Variants in ELMO3 observed in about 807,000 individuals in gnomAD.
The protein encoded by ELMO3 is engulfment and cell motility protein 3.
In ELMO3, 81 loss-of-function variants were observed where a neutral mutation model predicts 89.0. The observed-to-expected ratio is 0.91, with a 90% CI of 0.76 to 1.09. ELMO3 has a LOEUF of 1.09. ELMO3 is among the 50% of genes least tolerant of loss of function. The pLI is 0.00. For missense variants in ELMO3, 959 were observed against 972.8 expected (o/e 0.99, Z 0.19); for synonymous variants, 406 against 400.6 (o/e 1.01, Z -0.16).
Position 67,202,097 on chromosome 16 carries a change from TG to T in ELMO3, c.1152+26del, listed in dbSNP as rs547779361. ...CAGCCGGGTCGGTGACAGGGTAGGGTGGGGGGGTGGCAGCATCCCCCAGGCA... is the reference window on the plus strand; with the variant it reads ...CAGCCGGGTCGGTGACAGGGTAGGGTGGGGGGTGGCAGCATCCCCCAGGCA... On this transcript the variant is annotated intron_variant, in intron 12 of 19. Coordinates refer to ENST00000393997, the MANE Select transcript of ELMO3 (RefSeq NM_024712.5). The T allele has an allele frequency of 9.7e-5, 59 of 610,298 alleles. No individual in the cohort carries two copies. The highest frequency in any genetic ancestry group is 1.5e-4 in the Non-Finnish European group (49 of 331,934). The allele number at this position is 610,298 out of a possible 1,614,324, so 37.8% of individuals were successfully genotyped here.
chr16:67,203,105 C>T lies in ELMO3; in HGVS notation c.1676-14C>T. The T allele has an allele frequency of 1.2e-6, 2 of 1,601,768 alleles. No individual in the cohort carries two copies. The highest frequency in any genetic ancestry group is 4.5e-5 in the East Asian group (2 of 44,430). On this transcript the variant is annotated splice_polypyrimidine_tract_variant and intron_variant, in intron 16 of 19. Transcript: ENST00000393997. This position sits in a 1 kb window ranked among gnomAD's most constrained non-coding sequence, Gnocchi z 4.6. Reference sequence around the variant, plus strand: ...CCTCTCAGCACTCTGGCCCTCTTCCCTTTCTCCACGCAGATAAGCTGTGGT... The same window carrying T: ...CCTCTCAGCACTCTGGCCCTCTTCCTTTTCTCCACGCAGATAAGCTGTGGT...
At position 67,200,978 on chromosome 16, in the gene ELMO3, G is replaced by T; in HGVS notation, c.744+10G>T. ...CCCTGTGGAACGCAAGGTGAGTGTC[G>T]ATCGGTGGCTAGATGGGGGCAGCAC... is the stretch of plus-strand genomic sequence containing the variant. On this transcript the variant is annotated intron_variant, in intron 8 of 19. Coordinates refer to ENST00000393997, the MANE Select transcript of ELMO3 (RefSeq NM_024712.5). 1.3e-6 allele frequency: 2 copies of T among 1,589,750 alleles called. No individual in the cohort carries two copies. The highest frequency in any genetic ancestry group is 3.8e-4 in the Middle Eastern group (2 of 5,272).
At position 67,199,670 on chromosome 16, in the gene ELMO3, C is replaced by T. The variant is rs967275937; in HGVS notation, c.120-14C>T. On this transcript the variant is annotated splice_polypyrimidine_tract_variant and intron_variant, in intron 2 of 19. Transcript: ENST00000393997. ...GCGCCCCCTGCCGGCCTCGCTGAGCCTCGTGCCCCTCAGGTGGAGCCTGAC... is the reference window on the plus strand; with the variant it reads ...GCGCCCCCTGCCGGCCTCGCTGAGCTTCGTGCCCCTCAGGTGGAGCCTGAC... 3.1e-6 allele frequency: 5 copies of T among 1,609,578 alleles called. No homozygotes were observed. The African/African-American group carries it at 4.0e-5, about 13-fold the overall frequency.
intron 12 of ELMO3, 39 bp downstream of exon 12, chr16:67,202,117 C>T: frequency 6.2e-7 from 1 of 1,609,966 alleles, no homozygotes; most frequent in Non-Finnish European, 8.5e-7. Flanking sequence ...GCAGCATCCC[C>T]CAGGCAGGGT....
Position 67,203,100 on chromosome 16 carries a change from C to CT in ELMO3, c.1676-17dup. 1 of 1,599,166 alleles carries CT rather than the reference C, an allele frequency of 6.3e-7. No individual in the cohort carries two copies. The highest frequency in any genetic ancestry group is 8.5e-7 in the Non-Finnish European group (1 of 1,173,586). On this transcript the variant is annotated intron_variant, in intron 16 of 19. Transcript: ENST00000393997. This position sits in a 1 kb window ranked among gnomAD's most constrained non-coding sequence, Gnocchi z 4.6. ...CAGGACCTCTCAGCACTCTGGCCCT[C>CT]TTCCCTTTCTCCACGCAGATAAGCT... is the stretch of plus-strand genomic sequence containing the variant.
Position 67,202,958 on chromosome 16 carries a change from C to A in ELMO3, c.1629C>A (p.Leu543=). The A allele has an allele frequency of 6.2e-7, 1 of 1,609,134 alleles. No individual in the cohort carries two copies. Among genetic ancestry groups the A allele is most frequent in the Non-Finnish European group, 8.5e-7 (1 of 1,179,894 alleles). The change falls in exon 16 of 20, where the codon CTC becomes CTA. Residue 543 remains leucine, a synonymous_variant. Coordinates refer to ENST00000393997, the MANE Select transcript of ELMO3 (RefSeq NM_024712.5). The part of the protein sequence containing the change: ...GLIRQQRLLR[L]CEGTLFRKIS... ...TCCGCCAGCAGCGCTTGCTCCGCCT[C>A]TGTGAGGGGACGCTCTTCCGCAAGA...
In ELMO3 at chr16:67,202,694, T is replaced by C; in HGVS notation, c.1466T>C (p.Phe489Ser). 6.2e-7 allele frequency: 1 copy of C among 1,613,546 alleles called. No individual in the cohort carries two copies. The highest frequency in any genetic ancestry group is 8.5e-7 in the Non-Finnish European group (1 of 1,179,950). Residue 489 changes from phenylalanine to serine, a missense_variant, in exon 15 of 20, where the codon TTC (phenylalanine) becomes TCC (serine). Physicochemically the swap from Phe to Ser is radical, Grantham distance 155. Coordinates refer to ENST00000393997, the MANE Select transcript of ELMO3 (RefSeq NM_024712.5). The stretch of plus-strand genomic sequence containing the variant: ...CTGAAGCCCACTTCCCTGGAGCTCT[T>C]CCGAACCAAGGTGAATGCGCTCACT... The part of the protein sequence containing the change: ...LALKPTSLEL[F>S]RTKVNALTYG...
Position 67,200,977 on chromosome 16 carries a change from C to A in ELMO3, c.744+9C>A. 6.3e-7 allele frequency: 1 copy of A among 1,589,768 alleles called. No homozygotes were observed. The highest frequency in any genetic ancestry group is 1.9e-5 in the Admixed American group (1 of 51,440). ...GCCCTGTGGAACGCAAGGTGAGTGT[C>A]GATCGGTGGCTAGATGGGGGCAGCA... On this transcript the variant is annotated intron_variant, in intron 8 of 19. Coordinates refer to ENST00000393997, the MANE Select transcript of ELMO3 (RefSeq NM_024712.5).
rs756102010 is a variant in ELMO3, at chr16:67,200,795, G to A, written c.652G>A (p.Val218Met). Reference protein sequence around the residue: ...KSEVPLDRLLVHLQVMNQQLQ... With the variant: ...KSEVPLDRLLMHLQVMNQQLQ... ...CGAGGTGCCCCTGGATAGGCTGCTGGTGCACCTACAGGTGTAAGCCTCTGG... is the reference window on the plus strand; with the variant it reads ...CGAGGTGCCCCTGGATAGGCTGCTGATGCACCTACAGGTGTAAGCCTCTGG... Residue 218 changes from valine to methionine, a missense_variant, in exon 7 of 20, where the codon GTG becomes ATG. Transcript: ENST00000393997. 1 of 1,613,068 alleles carries A rather than the reference G, an allele frequency of 6.2e-7. No homozygotes were observed. The highest frequency in any genetic ancestry group is 1.3e-5 in the African/African-American group (1 of 74,906).
At position 67,202,096 on chromosome 16, in the gene ELMO3, G is replaced by T. The variant is rs1253697102; in HGVS notation, c.1152+18G>T. ...ACAGCCGGGTCGGTGACAGGGTAGG[G>T]TGGGGGGGTGGCAGCATCCCCCAGG... is the stretch of plus-strand genomic sequence containing the variant. On this transcript the variant is annotated intron_variant, in intron 12 of 19. Transcript: ENST00000393997. The T allele has an allele frequency of 6.2e-7, 1 of 1,610,532 alleles. No individual in the cohort carries two copies. Among genetic ancestry groups the T allele is most frequent in the South Asian group, 1.1e-5 (1 of 90,940 alleles).
rs1309596546 is a variant in ELMO3, at chr16:67,201,899, C to T, written c.1050+26C>T. 2.5e-6 allele frequency: 4 copies of T among 1,602,478 alleles called. No homozygotes were observed. The South Asian group carries it at 4.4e-5, about 18-fold the overall frequency. On this transcript the variant is annotated intron_variant, in intron 11 of 19. Coordinates refer to ENST00000393997, the MANE Select transcript of ELMO3 (RefSeq NM_024712.5). ...GTGAGTATCACCCCTACCCAACTCCCCACCCCTGCCTCAGCCCAGGGCTGT... is the reference window on the plus strand; with the variant it reads ...GTGAGTATCACCCCTACCCAACTCCTCACCCCTGCCTCAGCCCAGGGCTGT...
chr16:67,202,527 C>T lies in ELMO3; in HGVS notation c.1392C>T (p.Phe464=), dbSNP rs771537268. The change falls in exon 14 of 20, where the codon TTC becomes TTT. Residue 464 remains phenylalanine (F), a synonymous_variant. Coordinates refer to ENST00000393997, the MANE Select transcript of ELMO3 (RefSeq NM_024712.5). ...AGATGCGGGCTACACAGGAGGACTT[C>T]GACAAGGTGGGTGGGGTGGGAGCTG... ...WKEMRATQED[F]DKVMQVVREQ... 20 of 1,612,242 alleles carry T rather than the reference C, an allele frequency of 1.2e-5. No individual in the cohort carries two copies. The highest frequency in any genetic ancestry group is 1.7e-5 in the Admixed American group (1 of 60,000).
In ELMO3 at chr16:67,199,953, C is replaced by A. The variant is rs1380153525; in HGVS notation, c.195C>A (p.Asn65Lys). 6.2e-7 allele frequency: 1 copy of A among 1,613,974 alleles called. No individual in the cohort carries two copies. Among genetic ancestry groups the A allele is most frequent in the Admixed American group, 1.7e-5 (1 of 60,034 alleles). Residue 65 changes from asparagine (N) to lysine (K), a missense_variant and splice_region_variant, in exon 4 of 20, where the codon AAC (asparagine) becomes AAA (lysine). Transcript: ENST00000393997. Reference protein sequence around the residue: ...DGHRRYITENNRAEIKNGSIL... With the variant: ...DGHRRYITENKRAEIKNGSIL... ...GCCTTTTCTGCTGTCTTCTCCAGAACCGCGCGGAGATCAAGAATGGCAGCA... is the reference window on the plus strand; with the variant it reads ...GCCTTTTCTGCTGTCTTCTCCAGAAACGCGCGGAGATCAAGAATGGCAGCA...
rs1597283398 is a variant in ELMO3 at position 67,203,945 on chromosome 16, G to C, written c.*68G>C. On this transcript the variant is annotated 3_prime_UTR_variant, in exon 20 of 20. Coordinates refer to ENST00000393997, the MANE Select transcript of ELMO3 (RefSeq NM_024712.5). This position sits in a 1 kb window ranked among gnomAD's most constrained non-coding sequence, Gnocchi z 4.6. ...GCCATGAAGGGCAGTGGGTAGAGGA[G>C]TGCAGGCACCCTGACCAGCAGAGAT... The C allele has an allele frequency of 7.6e-7, 1 of 1,323,306 alleles. No individual in the cohort carries two copies. Among genetic ancestry groups the C allele is most frequent in the South Asian group, 1.5e-5 (1 of 68,210 alleles). 82.0% of individuals were successfully genotyped at this position (1,323,306 alleles called of 1,614,324 possible).
chr16:67,201,690 C>T (rs1285371595), intron 10 of ELMO3, 48 bp downstream of exon 10: 2 of 1,608,170 alleles, frequency 1.2e-6, no homozygotes, highest in East Asian at 2.2e-5. Context: ...TAGAGCTTGG[C>T]CTTGAATCTA....
rs772715477 is a variant in ELMO3, at chr16:67,200,559, G to C, written c.513+9G>C. 2 of 1,613,434 alleles carry C rather than the reference G, an allele frequency of 1.2e-6. No homozygotes were observed. Among genetic ancestry groups the C allele is most frequent in the Admixed American group, 3.3e-5 (2 of 60,002 alleles). On this transcript the variant is annotated intron_variant, in intron 6 of 19. Transcript: ENST00000393997. Reference sequence around the variant, plus strand: ...TCCCCTTTGTGAGGAAGGTGGGTGGGCTTTCCTAGGGCAGCGGGTGGGGGC... The same window carrying C: ...TCCCCTTTGTGAGGAAGGTGGGTGGCCTTTCCTAGGGCAGCGGGTGGGGGC...
At position 67,200,824 on chromosome 16, in the gene ELMO3, T is replaced by G. The variant is rs2033085405; in HGVS notation, c.665+16T>G. The G allele has an allele frequency of 6.2e-7, 1 of 1,613,130 alleles. No homozygotes were observed. The highest frequency in any genetic ancestry group is 1.7e-5 in the Admixed American group (1 of 59,906). On this transcript the variant is annotated intron_variant, in intron 7 of 19. Transcript: ENST00000393997. ...ACCTACAGGTGTAAGCCTCTGGGGC[T>G]GGGGTCCAGATGCAGGGAGCAGGGC...
chr16:67,202,088 A>C lies in ELMO3; in HGVS notation c.1152+10A>C. ...CAGCGCGTACAGCCGGGTCGGTGAC[A>C]GGGTAGGGTGGGGGGGTGGCAGCAT... On this transcript the variant is annotated intron_variant, in intron 12 of 19. Transcript: ENST00000393997. The C allele has an allele frequency of 3.3e-6, 2 of 600,480 alleles. No homozygotes were observed. The highest frequency in any genetic ancestry group is 6.1e-6 in the Non-Finnish European group (2 of 325,636). 37.2% of individuals were successfully genotyped at this position (600,480 alleles called of 1,614,324 possible).
At position 67,203,612 on chromosome 16, in the gene ELMO3, G is replaced by C; in HGVS notation, c.1950+29G>C. 6.2e-7 allele frequency: 1 copy of C among 1,614,016 alleles called. No individual in the cohort carries two copies. The highest frequency in any genetic ancestry group is 8.5e-7 in the Non-Finnish European group (1 of 1,180,006). ...AGTGTCCGCCAGGCTGAGGTCGGCA[G>C]GTGGGCAGGGGAGGCAGATGGGCAG... On this transcript the variant is annotated intron_variant, in intron 19 of 19. Coordinates refer to ENST00000393997, the MANE Select transcript of ELMO3 (RefSeq NM_024712.5). This position sits in a 1 kb window ranked among gnomAD's most constrained non-coding sequence, Gnocchi z 4.6.
Sources: allele counts gnomAD v4.1 joint callset, GRCh38; gene constraint gnomAD v4.1.1; non-coding constraint Gnocchi (gnomAD v3.1); transcripts MANE v1.5; gene names NCBI Gene and HGNC (gene_info 2026-07-23, HGNC 2026-07-21).